Variants in MDGA2 observed in about 807,000 individuals in gnomAD.
MDGA2 encodes MAM domain-containing glycosylphosphatidylinositol anchor protein 2.
A neutral mutation model predicts 117.8 loss-of-function variants in MDGA2; 40 were observed. That is an observed-to-expected ratio of 0.34 (90% CI 0.26 to 0.44). The LOEUF is 0.44. MDGA2 is among the 20% of genes least tolerant of loss of function. The probability of loss-of-function intolerance (pLI) is 1.00; values close to 1 mark genes in which losing one functional copy is unlikely to be tolerated. For missense variants in MDGA2, 1,123 were observed against 1,250.6 expected, an observed-to-expected ratio of 0.90 and a Z score of 1.54; for synonymous variants, 452 against 439.0, an observed-to-expected ratio of 1.03 and a Z score of -0.37.
At chr14:46,992,128 C>T (rs371153053) in intron 8 of MDGA2, among the ~76,000 whole-genome samples, 3 of 152,144 alleles carry the variant, frequency 2.0e-5, no homozygotes, top group African/African-American at 4.8e-5. Flanking sequence ...GTACACAACA[C>T]GACAATAAAA....
At chr14:47,450,805 G>T (rs1482233559) in intron 1 of MDGA2, among the ~76,000 whole-genome samples, 1 of 152,090 alleles carries the variant, frequency 6.6e-6, no homozygotes, top group Non-Finnish European at 1.5e-5. Flanking sequence ...TTTTTCAAGT[G>T]ATTGTGATTG....
intron 1 of MDGA2, among the ~76,000 whole-genome samples, chr14:47,438,731 C>T (rs1594856912): frequency 6.6e-6 from 1 of 152,124 alleles, no homozygotes; most frequent in East Asian, 1.9e-4. Context: ...GATTCATTAG[C>T]ATGGGCCAGG....
At chr14:47,214,046 G>A (rs1199580401) in intron 3 of MDGA2, among the ~76,000 whole-genome samples, 1 of 152,138 alleles carries the variant, frequency 6.6e-6, no homozygotes, top group African/African-American at 2.4e-5. Context: ...AAAACCATCA[G>A]ATCTCATAAA....
chr14:47,165,231 C>T (rs1473959901), intron 3 of MDGA2, among the ~76,000 whole-genome samples: 1 of 151,900 alleles, frequency 6.6e-6, no homozygotes, highest in Non-Finnish European at 1.5e-5. Context: ...GCACATGTAC[C>T]CTAGTACTTA....
chr14:47,177,095 C>A (rs931699767), intron 3 of MDGA2, among the ~76,000 whole-genome samples: 4 of 152,200 alleles, frequency 2.6e-5, no homozygotes, highest in Admixed American at 6.5e-5. Context: ...ATCAAAACCA[C>A]AATGAGATAC....
At chr14:47,243,716 G>A (rs931000902) in intron 2 of MDGA2, among the ~76,000 whole-genome samples, 3 of 151,626 alleles carry the variant, frequency 2.0e-5, no homozygotes, top group East Asian at 1.9e-4. Context: ...GACTCCAGAC[G>A]CGCCACCTTA....
chr14:47,165,152 A>G (rs1883815648), intron 3 of MDGA2, among the ~76,000 whole-genome samples: 1 of 152,158 alleles, frequency 6.6e-6, no homozygotes. Flanking sequence ...CCTGATGTAA[A>G]TGACAAGTTA....
At chr14:47,642,954 T>C (rs1897456730) in intron 1 of MDGA2, among the ~76,000 whole-genome samples, 1 of 152,090 alleles carries the variant, frequency 6.6e-6, no homozygotes, top group Admixed American at 6.5e-5. Context: ...CTTTGCCTAA[T>C]TTTCCTCATA....
chr14:47,626,760 C>T (rs531288858), intron 1 of MDGA2, among the ~76,000 whole-genome samples: 2 of 152,320 alleles, frequency 1.3e-5, no homozygotes, highest in South Asian at 4.1e-4. Context: ...CGAGGCAGGG[C>T]TCGGGACCTG....
chr14:47,295,977 G>T (rs373552195), intron 2 of MDGA2, among the ~76,000 whole-genome samples: 1 of 145,114 alleles, frequency 6.9e-6, no homozygotes, highest in Non-Finnish European at 1.5e-5. Flanking sequence ...TAGATAGATA[G>T]ATATAGTAAA....
At chr14:47,111,471 T>C (rs1351960735) in intron 5 of MDGA2, among the ~76,000 whole-genome samples, 1 of 152,090 alleles carries the variant, frequency 6.6e-6, no homozygotes, top group East Asian at 1.9e-4. Context: ...CAAACTTGAT[T>C]TGCTAGTCAG....
intron 6 of MDGA2, among the ~76,000 whole-genome samples, chr14:47,062,228 A>G (rs535683591): frequency 1.3e-5 from 2 of 152,158 alleles, no homozygotes; most frequent in South Asian, 4.1e-4. Context: ...TTTCCAGTTA[A>G]AACTGTTTGT....
intron 1 of MDGA2, among the ~76,000 whole-genome samples, chr14:47,303,540 A>G (rs1362784839): frequency 6.6e-6 from 1 of 152,052 alleles, no homozygotes. Context: ...GCAGTGATCA[A>G]ATTTGGACTT....
chr14:47,161,983 T>G (rs958639790), intron 3 of MDGA2, among the ~76,000 whole-genome samples: 5 of 123,944 alleles, frequency 4.0e-5, no homozygotes, highest in Non-Finnish European at 7.9e-5. Flanking sequence ...TCTTGTTCTG[T>G]TATCCAGGCT....
chr14:47,618,873 T>A (rs1896994822), intron 1 of MDGA2, among the ~76,000 whole-genome samples: 1 of 152,062 alleles, frequency 6.6e-6, no homozygotes, highest in Non-Finnish European at 1.5e-5. Flanking sequence ...AAATTTTCTC[T>A]TCAAAGCAAT....
intron 7 of MDGA2, chr14:47,059,293 C>G (rs948859900): frequency 5.5e-6 from 7 of 1,261,586 alleles, no homozygotes; most frequent in East Asian, 5.6e-5. Flanking sequence ...TATGGAGAAA[C>G]CACATCTATC....
At chr14:46,961,643 AT>A (rs1209865358) in intron 8 of MDGA2, among the ~76,000 whole-genome samples, 1 of 147,516 alleles carries the variant, frequency 6.8e-6, no homozygotes, top group Non-Finnish European at 1.5e-5. Context: ...ATACTGCCTG[AT>A]AATTTTTTTT....
intron 1 of MDGA2, among the ~76,000 whole-genome samples, chr14:47,341,687 T>C (rs1437885677): frequency 5.9e-5 from 9 of 152,206 alleles, no homozygotes; most frequent in Admixed American, 5.9e-4. Flanking sequence ...TGTTATGTGT[T>C]TTCCTTTCCC....
intron 1 of MDGA2, among the ~76,000 whole-genome samples, chr14:47,485,235 T>C (rs1894035640): frequency 6.6e-6 from 1 of 152,126 alleles, no homozygotes; most frequent in Non-Finnish European, 1.5e-5. Flanking sequence ...GAGAAACTTG[T>C]TGGGAACTAG....
Sources: gnomAD v4.1 joint callset for allele counts (sites outside exome capture counted in the v4.1 genomes callset) on GRCh38, gnomAD v4.1.1 for gene constraint, MANE v1.5 for transcripts, NCBI Gene and HGNC (gene_info 2026-07-23, HGNC 2026-07-21) for gene names.